The following ZFAND3 variants were observed in gnomAD, a reference collection of about 807,000 sequenced individuals.
The protein encoded by ZFAND3 is zinc finger AN1-type containing 3, also known as AN1-type zinc finger protein 3.
ZFAND3 carries 10 observed loss-of-function variants against 29.6 expected under a neutral mutation model. The observed-to-expected ratio is 0.34, with a 90% CI of 0.21 to 0.57. The LOEUF is 0.57. Ranked by LOEUF, ZFAND3 falls within the 20% of genes least tolerant of loss-of-function variation. ZFAND3 has a pLI of 0.86. For missense variants in ZFAND3, 230 were observed against 304.5 expected, an observed-to-expected ratio of 0.76 and a Z score of 1.82; for synonymous variants, 128 against 112.6, an observed-to-expected ratio of 1.14 and a Z score of -0.87.
At chr6:37,853,595 A>G (rs1764323164) in intron 1 of ZFAND3, among the ~76,000 whole-genome samples, 1 of 152,182 alleles carries the variant, frequency 6.6e-6, no homozygotes, top group Admixed American at 6.5e-5. Flanking sequence ...GGGAAAATGA[A>G]TTCTGAGTTC....
At chr6:38,037,709 G>T (rs1215312265) in intron 2 of ZFAND3, among the ~76,000 whole-genome samples, 3 of 152,172 alleles carry the variant, frequency 2.0e-5, no homozygotes, top group African/African-American at 7.2e-5. Context: ...CCTTGATTGG[G>T]CTGAAGACTT....
chr6:38,119,241 C>A (rs1357673330), intron 5 of ZFAND3, among the ~76,000 whole-genome samples: 1 of 152,150 alleles, frequency 6.6e-6, no homozygotes, highest in African/African-American at 2.4e-5. Flanking sequence ...CTGCTTGGAT[C>A]TCTCTAGGAA....
intron 1 of ZFAND3, among the ~76,000 whole-genome samples, chr6:37,844,688 C>T (rs1581703555): frequency 6.6e-6 from 1 of 152,076 alleles, no homozygotes; most frequent in South Asian, 2.1e-4. Flanking sequence ...CTTGTTGCTT[C>T]TGAACAAACC....
rs78222624 is a variant in ZFAND3, at chr6:38,057,287, T to C, written c.113-4306T>C. On this transcript the variant is annotated intron_variant, in intron 2 of 5. Transcript: ENST00000287218. ...CTTCTTTACATGTAATATAAATCTGTTCCCCTTCATTTTCAGAGTAGACTT... is the reference window on the plus strand; with the variant it reads ...CTTCTTTACATGTAATATAAATCTGCTCCCCTTCATTTTCAGAGTAGACTT... 7.4e-3 allele frequency among the ~76,000 whole-genome samples: 1,121 copies of C among 152,270 alleles called. 12 individuals carry two copies. Among genetic ancestry groups the C allele is most frequent in the African/African-American group, 0.026 (1,067 of 41,544 alleles).
chr6:38,138,289 A>G (rs1424475277), intron 5 of ZFAND3, among the ~76,000 whole-genome samples: 1 of 152,242 alleles, frequency 6.6e-6, no homozygotes, highest in Non-Finnish European at 1.5e-5. Flanking sequence ...GGGTAACAGA[A>G]TGAGATGGGA....
intron 1 of ZFAND3, among the ~76,000 whole-genome samples, chr6:37,820,659 GGAA>G (rs1331902020): frequency 1.2e-4 from 19 of 152,158 alleles, no homozygotes; most frequent in African/African-American, 4.6e-4. Flanking sequence ...TTGTCAAAAA[GGAA>G]GAAAAAAACC....
At chr6:37,824,015 A>G (rs1763714563) in intron 1 of ZFAND3, among the ~76,000 whole-genome samples, 1 of 152,200 alleles carries the variant, frequency 6.6e-6, no homozygotes, top group Admixed American at 6.5e-5. Flanking sequence ...ACCTCAGGTG[A>G]TCCTCCCGCC....
At chr6:37,841,512 C>T (rs1024298940) in intron 1 of ZFAND3, among the ~76,000 whole-genome samples, 2 of 152,122 alleles carry the variant, frequency 1.3e-5, no homozygotes, top group Admixed American at 6.6e-5. Flanking sequence ...GAGATGGAGC[C>T]TGGCTCTGTT....
intron 2 of ZFAND3, among the ~76,000 whole-genome samples, chr6:37,936,627 T>C (rs1761703162): frequency 1.3e-5 from 2 of 152,240 alleles, no homozygotes; most frequent in Non-Finnish European, 2.9e-5. Flanking sequence ...AGTGTATAGT[T>C]GCATGAGATA....
intron 4 of ZFAND3, among the ~76,000 whole-genome samples, chr6:38,108,436 AG>A (rs1453790530): frequency 6.6e-6 from 1 of 152,180 alleles, no homozygotes; most frequent in East Asian, 1.9e-4. Context: ...CAAGTCCAAA[AG>A]CCCCCAAACA....
At chr6:38,124,243 C>G (rs1430055823) in intron 5 of ZFAND3, among the ~76,000 whole-genome samples, 1 of 152,270 alleles carries the variant, frequency 6.6e-6, no homozygotes, top group African/African-American at 2.4e-5. Flanking sequence ...CCCCACTAGA[C>G]TCAGGAGCCC....
intron 2 of ZFAND3, among the ~76,000 whole-genome samples, chr6:38,028,668 G>A (rs1324087298): frequency 1.3e-5 from 2 of 152,248 alleles, no homozygotes; most frequent in African/African-American, 4.8e-5. Flanking sequence ...ACTCTCCTTT[G>A]CAGTGTAGCA....
intron 2 of ZFAND3, among the ~76,000 whole-genome samples, chr6:38,038,147 A>G (rs966742026): frequency 2.6e-5 from 4 of 152,188 alleles, no homozygotes; most frequent in Non-Finnish European, 4.4e-5. Flanking sequence ...AGCTGGCCCG[A>G]GGCCTCTAGT....
intron 1 of ZFAND3, among the ~76,000 whole-genome samples, chr6:37,890,877 A>G (rs1397687724): frequency 6.6e-6 from 1 of 152,244 alleles, no homozygotes; most frequent in East Asian, 1.9e-4. Flanking sequence ...AGTTTTCAGT[A>G]TGTTAAAAGT....
At chr6:37,822,647 A>G (rs1441772841) in intron 1 of ZFAND3, among the ~76,000 whole-genome samples, 1 of 152,140 alleles carries the variant, frequency 6.6e-6, no homozygotes, top group Non-Finnish European at 1.5e-5. Flanking sequence ...CAGGTGCTCT[A>G]GGGGAGGGGC....
chr6:38,079,064 A>C (rs1296958676), intron 3 of ZFAND3, among the ~76,000 whole-genome samples: 1 of 152,186 alleles, frequency 6.6e-6, no homozygotes, highest in African/African-American at 2.4e-5. Context: ...CATTGATTTT[A>C]ACAGAGTTGA....
At chr6:37,919,039 C>T (rs543774354) in intron 1 of ZFAND3, among the ~76,000 whole-genome samples, 3 of 147,876 alleles carry the variant, frequency 2.0e-5, no homozygotes, top group South Asian at 2.1e-4. Flanking sequence ...CTGCAACCTC[C>T]GACTCTCTGG....
At chr6:37,868,552 G>T (rs1246971497) in intron 1 of ZFAND3, among the ~76,000 whole-genome samples, 1 of 152,166 alleles carries the variant, frequency 6.6e-6, no homozygotes, top group East Asian at 1.9e-4. Context: ...TACATGCTGT[G>T]TTAAGGTTTC....
chr6:37,920,381 C>T (rs1761355875), intron 1 of ZFAND3, among the ~76,000 whole-genome samples: 1 of 151,320 alleles, frequency 6.6e-6, no homozygotes, highest in African/African-American at 2.4e-5. Flanking sequence ...CTTCTTTTGA[C>T]TAGTTTATTG....
Sources: allele counts gnomAD v4.1 joint callset (sites outside exome capture counted in the v4.1 genomes callset), GRCh38; gene constraint gnomAD v4.1.1; transcripts MANE v1.5; gene names NCBI Gene and HGNC (gene_info 2026-07-23, HGNC 2026-07-21).